Variants in MASTL observed in about 807,000 individuals in gnomAD.
The protein encoded by MASTL is serine/threonine-protein kinase greatwall.
A neutral mutation model predicts 82.5 loss-of-function variants in MASTL; 54 were observed. The ratio of observed to expected loss-of-function variants is 0.65; its 90% confidence interval spans 0.53 to 0.82. The LOEUF is 0.82. Ranked by LOEUF, MASTL falls within the 40% of genes least tolerant of loss-of-function variation. MASTL has a pLI of 0.00. For synonymous variants in MASTL, 323 were observed against 368.9 expected (o/e 0.88, Z 1.43); for missense variants, 950 against 1,047.8 (o/e 0.91, Z 1.29).
chr10:27,155,690 C>G, intron 1 of MASTL, 78 bp downstream of exon 1: 5 of 1,541,564 alleles, frequency 3.2e-6, no homozygotes, highest in Non-Finnish European at 4.5e-6. Context: ...GGGCAGGCCC[C>G]GGGGTTGCTG....
intron 1 of MASTL, 58 bp downstream of exon 1, chr10:27,155,670 C>T (rs1279594236): frequency 2.4e-5 from 38 of 1,597,316 alleles, no homozygotes; most frequent in Admixed American, 3.4e-5. Flanking sequence ...CCTTCCTGCC[C>T]CACCGGCTTG....
chr10:27,182,384 T>C (rs1294328058), intron 11 of MASTL, among the ~76,000 whole-genome samples: 1 of 152,148 alleles, frequency 6.6e-6, no homozygotes, highest in African/African-American at 2.4e-5. Context: ...GAAAATTCAA[T>C]GTGTCACATG....
Position 27,186,679 on chromosome 10 carries a change from C to A in MASTL, c.*143C>A. The stretch of plus-strand genomic sequence containing the variant: ...TGCTTTTAATGTACGTTACAGCTTT[C>A]ACAGAGTTAAAAGGCTGAAAGGAAT... On this transcript the variant is annotated 3_prime_UTR_variant, in exon 12 of 12. Transcript: ENST00000375940. 1 of 791,684 alleles carries A rather than the reference C, an allele frequency of 1.3e-6. No homozygotes were observed. The highest frequency in any genetic ancestry group is 1.5e-5 in the South Asian group (1 of 68,576). The allele number at this position is 791,684 out of a possible 1,614,324, so 49.0% of individuals were successfully genotyped here.
chr10:27,170,609 T>A lies in MASTL; in HGVS notation c.1650T>A (p.Ser550Arg), dbSNP rs2057898935. 1 of 1,607,410 alleles carries A rather than the reference T, an allele frequency of 6.2e-7. No homozygotes were observed. Among genetic ancestry groups the A allele is most frequent in the Non-Finnish European group, 8.5e-7 (1 of 1,177,620 alleles). Residue 550 changes from serine (S) to arginine (R), a missense_variant, in exon 8 of 12, where the codon AGT (serine) becomes AGA (arginine). Coordinates refer to ENST00000375940, the MANE Select transcript of MASTL (RefSeq NM_001172303.3). ...CEKNSKRDYL[S>R]SSFLCSDDDR... ...AGAATAGTAAGAGGGACTACTTAAG[T>A]TCTAGTTTTCTATGTTCTGATGATG...
chr10:27,158,828 ATTAG>A (rs770246836), intron 2 of MASTL, 142 bp downstream of exon 2: 3 of 838,302 alleles, frequency 3.6e-6, no homozygotes, highest in East Asian at 2.5e-5. Context: ...TACCTGTTAT[ATTAG>A]TTAGAGTTCT....
intron 11 of MASTL, among the ~76,000 whole-genome samples, chr10:27,185,342 A>T (rs1037338127): frequency 6.6e-6 from 1 of 152,144 alleles, no homozygotes; most frequent in Non-Finnish European, 1.5e-5. Flanking sequence ...CTTTAACAAG[A>T]TGCAGGCAGG....
In MASTL at chr10:27,170,449, A is replaced by G; in HGVS notation, c.1490A>G (p.Lys497Arg). The G allele has an allele frequency of 6.2e-7, 1 of 1,614,172 alleles. No homozygotes were observed. Among genetic ancestry groups the G allele is most frequent in the Non-Finnish European group, 8.5e-7 (1 of 1,180,014 alleles). The change falls in exon 8 of 12, where the codon AAA becomes AGA. Residue 497 changes from lysine to arginine, a missense_variant. By Grantham distance (26) the Lys-to-Arg change is conservative (BLOSUM62 2). Transcript: ENST00000375940. ...CAGGACCTTAAGCTATCAGTGCACA[A>G]AAGTCAACAAAATGACTGTGCTAAT... ...EVQDLKLSVH[K>R]SQQNDCANKE...
chr10:27,167,072 A>G, intron 6 of MASTL, 30 bp from the exon 7 acceptor site: 1 of 1,585,104 alleles, frequency 6.3e-7, no homozygotes. Flanking sequence ...AAGCTGTAAC[A>G]TGGAATTCAA....
At position 27,170,864 on chromosome 10, in the gene MASTL, G is replaced by A; in HGVS notation, c.1905G>A (p.Met635Ile). The A allele has an allele frequency of 1.9e-6, 3 of 1,614,118 alleles. No homozygotes were observed. The highest frequency in any genetic ancestry group is 4.5e-5 in the East Asian group (2 of 44,872). The stretch of plus-strand genomic sequence containing the variant: ...CTGTACAAGAGAGTAACCAAAAAAT[G>A]TTAGGTCCTCCTTTGGAGGTGCTGA... ...NPAVQESNQKMLGPPLEVLKT... is the reference protein window; with the variant it reads ...NPAVQESNQKILGPPLEVLKT... Residue 635 changes from methionine to isoleucine, a missense_variant, in exon 8 of 12, where the codon ATG becomes ATA. Met to Ile is a conservative substitution (Grantham distance 10). Coordinates refer to ENST00000375940, the MANE Select transcript of MASTL (RefSeq NM_001172303.3).
In MASTL at chr10:27,171,055, A is replaced by G; in HGVS notation, c.2096A>G (p.Gln699Arg). Residue 699 changes from glutamine (Q) to arginine (R), a missense_variant, in exon 8 of 12, where the codon CAA (glutamine) becomes CGA (arginine). Transcript: ENST00000375940. ...GSYPMAITPT[Q>R]KRRSCMPHQQ... The stretch of plus-strand genomic sequence containing the variant: ...TATCCCATGGCTATAACCCCTACTC[A>G]AAAAAGAAGATCCTGTATGCCACAT... 1 of 1,614,016 alleles carries G rather than the reference A, an allele frequency of 6.2e-7. No individual in the cohort carries two copies. Among genetic ancestry groups the G allele is most frequent in the Non-Finnish European group, 8.5e-7 (1 of 1,179,908 alleles).
rs760390710 is a variant in MASTL at position 27,170,634 on chromosome 10, G to C, written c.1675G>C (p.Asp559His). 6.2e-7 allele frequency: 1 copy of C among 1,607,566 alleles called. No homozygotes were observed. The highest frequency in any genetic ancestry group is 1.3e-5 in the African/African-American group (1 of 74,364). Residue 559 changes from aspartate to histidine, a missense_variant, in exon 8 of 12, where the codon GAT becomes CAT. By Grantham distance (81) the Asp-to-His change is moderately conservative. Transcript: ENST00000375940. ...LSSSFLCSDDDRASKNISMNS... is the reference protein window; with the variant it reads ...LSSSFLCSDDHRASKNISMNS... ...TTCTAGTTTTCTATGTTCTGATGATGATAGAGCTTCTAAAAATATTTCTAT... is the reference window on the plus strand; with the variant it reads ...TTCTAGTTTTCTATGTTCTGATGATCATAGAGCTTCTAAAAATATTTCTAT...
chr10:27,174,218 G>T (rs1159822009), intron 9 of MASTL, among the ~76,000 whole-genome samples: 1 of 151,910 alleles, frequency 6.6e-6, no homozygotes, highest in Non-Finnish European at 1.5e-5. Flanking sequence ...AGCTGGGCAT[G>T]GTGGTGCATG....
intron 11 of MASTL, among the ~76,000 whole-genome samples, 155 bp downstream of exon 11, chr10:27,181,736 C>T (rs2058322021): frequency 2.0e-5 from 3 of 151,774 alleles, no homozygotes; most frequent in Admixed American, 2.0e-4. Context: ...GTCAGGAGTT[C>T]AAGACCAGCC....
rs765440476 is a variant in MASTL at position 27,159,619 on chromosome 10, G to A, written c.325G>A (p.Val109Ile). The A allele has an allele frequency of 8.6e-6, 13 of 1,509,626 alleles. No individual in the cohort carries two copies. The highest frequency in any genetic ancestry group is 1.2e-5 in the Non-Finnish European group (13 of 1,086,144). 93.5% of individuals were successfully genotyped at this position (1,509,626 alleles called of 1,614,324 possible). A position where few individuals can be genotyped will look rare whatever the true frequency, so the allele number is the denominator to read the frequency against. Reference sequence around the variant, plus strand: ...ACAATATTAAATTCTTTTTTGAAAGGTAATGGAATATCTTATTGGGGGAGA... The same window carrying A: ...ACAATATTAAATTCTTTTTTGAAAGATAATGGAATATCTTATTGGGGGAGA... ...SLQSANNVYLVMEYLIGGDVK... is the reference protein window; with the variant it reads ...SLQSANNVYLIMEYLIGGDVK... The change falls in exon 3 of 12, where the codon GTA (valine) becomes ATA (isoleucine). Residue 109 changes from valine to isoleucine, a missense_variant and splice_region_variant. Val to Ile is a conservative substitution (Grantham distance 29). Coordinates refer to ENST00000375940, the MANE Select transcript of MASTL (RefSeq NM_001172303.3). The surrounding 1 kb of genome is among the most constrained non-coding windows in gnomAD (Gnocchi z 4.0).
At position 27,159,824 on chromosome 10, in the gene MASTL, C is replaced by G; in HGVS notation, c.464+66C>G. 1 of 1,315,482 alleles carries G rather than the reference C, an allele frequency of 7.6e-7. No individual in the cohort carries two copies. Among genetic ancestry groups the G allele is most frequent in the Non-Finnish European group, 1.1e-6 (1 of 915,042 alleles). 81.5% of individuals were successfully genotyped at this position (1,315,482 alleles called of 1,614,324 possible). A position where few individuals can be genotyped will look rare whatever the true frequency, so the allele number is the denominator to read the frequency against. The stretch of plus-strand genomic sequence containing the variant: ...GTAATCAAATTACATATTTGAGTCT[C>G]AGATATTCACAGTAACCACTTGCAC... On this transcript the variant is annotated intron_variant, in intron 3 of 11. Coordinates refer to ENST00000375940, the MANE Select transcript of MASTL (RefSeq NM_001172303.3). This position sits in a 1 kb window ranked among gnomAD's most constrained non-coding sequence, Gnocchi z 4.0.
chr10:27,181,703 G>C, intron 11 of MASTL, 122 bp downstream of exon 11: 2 of 638,784 alleles, frequency 3.1e-6, no homozygotes, highest in Non-Finnish European at 5.6e-6. Context: ...CACTTTGGGA[G>C]GCTGAGGCGG....
At chr10:27,156,508 TA>T (rs956213316) in intron 1 of MASTL, among the ~76,000 whole-genome samples, 78 of 147,842 alleles carry the variant, frequency 5.3e-4, no homozygotes, top group African/African-American at 1.7e-3. Flanking sequence ...AAGTCTTTAA[TA>T]ATTTTTTTTT....
chr10:27,182,797 T>G (rs1478735785), intron 11 of MASTL, among the ~76,000 whole-genome samples: 1 of 151,990 alleles, frequency 6.6e-6, no homozygotes, highest in Non-Finnish European at 1.5e-5. Context: ...TTTTTTTTTT[T>G]TTAACATACG....
chr10:27,169,986 G>A lies in MASTL; in HGVS notation c.1027G>A (p.Ala343Thr), dbSNP rs777442936. The A allele has an allele frequency of 6.2e-7, 1 of 1,614,162 alleles. No homozygotes were observed. The highest frequency in any genetic ancestry group is 1.6e-4 in the Middle Eastern group (1 of 6,062). Residue 343 changes from alanine (A) to threonine (T), a missense_variant, in exon 8 of 12, where the codon GCA (alanine) becomes ACA (threonine). By Grantham distance (58) the Ala-to-Thr change is moderately conservative. Transcript: ENST00000375940. ...GGGCCCAACAATGATGAGTTGGAATGCAGTTGAAAAGTTATGCGCAAAATC... is the reference window on the plus strand; with the variant it reads ...GGGCCCAACAATGATGAGTTGGAATACAGTTGAAAAGTTATGCGCAAAATC... ...ALGPTMMSWNAVEKLCAKSAN... is the reference protein window; with the variant it reads ...ALGPTMMSWNTVEKLCAKSAN...
Sources: allele counts gnomAD v4.1 joint callset (sites outside exome capture counted in the v4.1 genomes callset), GRCh38; gene constraint gnomAD v4.1.1; non-coding constraint Gnocchi (gnomAD v3.1); transcripts MANE v1.5; gene names NCBI Gene and HGNC (gene_info 2026-07-23, HGNC 2026-07-21).